Variants in IPCEF1 observed in about 807,000 individuals in gnomAD.
IPCEF1 encodes interaction protein for cytohesin exchange factors 1.
In IPCEF1, 31 loss-of-function variants were observed where a neutral mutation model predicts 50.9. The ratio of observed to expected loss-of-function variants is 0.61; its 90% CI spans 0.46 to 0.82. IPCEF1 has a LOEUF of 0.82. Ranked by LOEUF, IPCEF1 falls within the 40% of genes least tolerant of loss-of-function variation. IPCEF1 has a pLI of 0.00. For missense variants in IPCEF1, 458 were observed against 514.0 expected (o/e 0.89, Z 1.05); for synonymous variants, 181 against 192.0 (o/e 0.94, Z 0.47).
rs1210655101 is a variant in IPCEF1 at position 154,157,907 on chromosome 6, A to G, written c.*1921T>C. 1 of 151,688 alleles carries G rather than the reference A, an allele frequency of 6.6e-6. No homozygotes were observed. Among genetic ancestry groups the G allele is most frequent in the African/African-American group, 2.4e-5 (1 of 40,886 alleles). 9.4% of individuals were successfully genotyped at this position (151,688 alleles called of 1,614,324 possible). On this transcript the variant is annotated 3_prime_UTR_variant, in exon 12 of 12. Transcript: ENST00000367220. ...CATCAGGGTGCAATCTGAGGATCTGAATGTTCTCTCTGTCAGGTCACCACA... is the reference window on the plus strand; with the variant it reads ...CATCAGGGTGCAATCTGAGGATCTGGATGTTCTCTCTGTCAGGTCACCACA...
At chr6:154,353,055 A>G (rs1372198242) in intron 1 of IPCEF1, among the ~76,000 whole-genome samples, 1 of 152,214 alleles carries the variant, frequency 6.6e-6, no homozygotes, top group African/African-American at 2.4e-5. Flanking sequence ...AGCCAGCCCC[A>G]GTGGGACCAC....
rs142142668 is a variant in IPCEF1 at position 154,291,091 on chromosome 6, G to A, written c.-61-1335C>T. 5.1e-3 allele frequency among the ~76,000 whole-genome samples: 770 copies of A among 151,972 alleles called. 3 individuals are homozygous for A. The highest frequency in any genetic ancestry group is 0.018 in the African/African-American group (728 of 41,446). The stretch of plus-strand genomic sequence containing the variant: ...GTATTTTTAGTAGAGACAGGGTTTT[G>A]CCATGTTGGTCAGGCTGGTCTTGAA... On this transcript the variant is annotated intron_variant, in intron 1 of 11. Coordinates refer to ENST00000367220, the MANE Select transcript of IPCEF1 (RefSeq NM_001130700.2).
chr6:154,281,184 CAAA>C (rs35597942), intron 2 of IPCEF1, among the ~76,000 whole-genome samples: 1,678 of 59,094 alleles, frequency 0.028, 23 homozygotes, highest in African/African-American at 0.067. Context: ...TACTAAAATA[CAAA>C]AAAAAAAAAA....
Position 154,158,105 on chromosome 6 carries a change from T to G in IPCEF1, c.*1723A>C, listed in dbSNP as rs1798787107. 1 of 152,258 alleles carries G rather than the reference T, an allele frequency of 6.6e-6. No homozygotes were observed. Among genetic ancestry groups the G allele is most frequent in the South Asian group, 2.1e-4 (1 of 4,830 alleles). 9.4% of individuals were successfully genotyped at this position (152,258 alleles called of 1,614,324 possible). A position where few individuals can be genotyped will look rare whatever the true frequency, so the allele number is the denominator to read the frequency against. Reference sequence around the variant, plus strand: ...GGTTGTTTTTTGTTTGTTTGTTTGTTTACAGAGTATTAAGGCTTCTTAGTA... The same window carrying G: ...GGTTGTTTTTTGTTTGTTTGTTTGTGTACAGAGTATTAAGGCTTCTTAGTA... On this transcript the variant is annotated 3_prime_UTR_variant, in exon 12 of 12. Transcript: ENST00000367220.
intron 1 of IPCEF1, among the ~76,000 whole-genome samples, chr6:154,320,919 T>C (rs1158165516): frequency 1.3e-5 from 2 of 152,164 alleles, no homozygotes; most frequent in African/African-American, 4.8e-5. Context: ...TATATGTATA[T>C]GTATATTCAT....
chr6:154,219,521 G>A (rs908047665), intron 7 of IPCEF1, among the ~76,000 whole-genome samples: 12 of 152,036 alleles, frequency 7.9e-5, no homozygotes, highest in African/African-American at 2.4e-4. Context: ...GCTCAGCGGC[G>A]GACTGACCTC....
intron 2 of IPCEF1, among the ~76,000 whole-genome samples, chr6:154,281,212 G>A (rs975405884): frequency 6.7e-6 from 1 of 148,652 alleles, no homozygotes; most frequent in Non-Finnish European, 1.5e-5. Flanking sequence ...AAAAAGCCAG[G>A]CATGGTGGTG....
intron 9 of IPCEF1, among the ~76,000 whole-genome samples, chr6:154,206,544 A>T (rs1777511150): frequency 6.6e-6 from 1 of 152,232 alleles, no homozygotes; most frequent in Admixed American, 6.5e-5. Context: ...GAATTTAATA[A>T]TTAGAGAAAT....
At chr6:154,193,629 C>G (rs1415625836) in intron 10 of IPCEF1, among the ~76,000 whole-genome samples, 1 of 152,174 alleles carries the variant, frequency 6.6e-6, no homozygotes, top group East Asian at 1.9e-4. Flanking sequence ...TAATCAACAA[C>G]AAGAAGTTAT....
At chr6:154,296,786 C>CTGTG (rs1782673055) in intron 1 of IPCEF1, among the ~76,000 whole-genome samples, 1 of 150,460 alleles carries the variant, frequency 6.6e-6, no homozygotes, top group Non-Finnish European at 1.5e-5. Context: ...CGGAGATCAC[C>CTGTG]CCACTGCACT....
intron 1 of IPCEF1, among the ~76,000 whole-genome samples, chr6:154,291,249 C>T (rs1782506225): frequency 6.6e-6 from 1 of 152,148 alleles, no homozygotes; most frequent in Non-Finnish European, 1.5e-5. Context: ...TAAAAGCATA[C>T]ATTTATAAAA....
At chr6:154,347,700 C>T (rs1784057209) in intron 1 of IPCEF1, among the ~76,000 whole-genome samples, 1 of 152,220 alleles carries the variant, frequency 6.6e-6, no homozygotes, top group South Asian at 2.1e-4. Context: ...TGCTCTAAGG[C>T]TCACCTCAGT....
intron 10 of IPCEF1, among the ~76,000 whole-genome samples, chr6:154,180,180 G>A (rs543287450): frequency 6.6e-6 from 1 of 152,120 alleles, no homozygotes; most frequent in South Asian, 2.1e-4. Context: ...CAAAATCCCT[G>A]CTTAAAAGTG....
At chr6:154,355,253 T>C (rs1418797385) in intron 1 of IPCEF1, among the ~76,000 whole-genome samples, 1 of 152,196 alleles carries the variant, frequency 6.6e-6, no homozygotes, top group Admixed American at 6.5e-5. Context: ...ACTTCCTATT[T>C]CCATACTCTG....
intron 5 of IPCEF1, among the ~76,000 whole-genome samples, chr6:154,236,351 G>A (rs993362313): frequency 6.6e-6 from 1 of 152,176 alleles, no homozygotes. Flanking sequence ...AGTCAAATTC[G>A]TAGAGACAGA....
intron 5 of IPCEF1, among the ~76,000 whole-genome samples, chr6:154,241,774 T>A (rs367686332): frequency 3.3e-5 from 5 of 152,166 alleles, no homozygotes; most frequent in African/African-American, 1.2e-4. Flanking sequence ...ATTTTTCGCA[T>A]GCCAATTTCA....
intron 3 of IPCEF1, among the ~76,000 whole-genome samples, chr6:154,261,656 C>A (rs975257374): frequency 2.0e-5 from 3 of 152,178 alleles, no homozygotes; most frequent in Non-Finnish European, 4.4e-5. Context: ...CTTAGCAAAA[C>A]AGGACAATGC....
At chr6:154,218,044 T>C (rs1457071287) in intron 7 of IPCEF1, among the ~76,000 whole-genome samples, 1 of 152,260 alleles carries the variant, frequency 6.6e-6, no homozygotes, top group Non-Finnish European at 1.5e-5. Flanking sequence ...GACTGTTTTC[T>C]TTCTAGGATC....
At chr6:154,313,677 G>A (rs540758406) in intron 1 of IPCEF1, among the ~76,000 whole-genome samples, 2 of 152,252 alleles carry the variant, frequency 1.3e-5, no homozygotes, top group South Asian at 4.2e-4. Flanking sequence ...TTGTATGTAT[G>A]CTTTAATATA....
Sources: allele counts gnomAD v4.1 joint callset (sites outside exome capture counted in the v4.1 genomes callset), GRCh38; gene constraint gnomAD v4.1.1; transcripts MANE v1.5; gene names NCBI Gene and HGNC (gene_info 2026-07-23, HGNC 2026-07-21).